The following PCDHA7 variants were observed in gnomAD, a reference collection of about 807,000 sequenced individuals.
PCDHA7 encodes protocadherin alpha-7.
PCDHA7 carries 37 observed loss-of-function variants against 57.2 expected under a neutral mutation model. That is an observed-to-expected ratio of 0.65 (90% CI 0.50 to 0.85). The LOEUF (loss-of-function observed/expected upper bound fraction) is 0.85. Among genes scored for constraint, PCDHA7 ranks in the 40% least tolerant of loss-of-function variants. The pLI is 0.00. For missense variants in PCDHA7, 1,188 were observed against 1,241.8 expected, an observed-to-expected ratio of 0.96 and a Z score of 0.65; for synonymous variants, 553 against 558.8, an observed-to-expected ratio of 0.99 and a Z score of 0.15.
chr5:140,995,388 A>G (rs1467282798), intron 3 of PCDHA7, among the ~76,000 whole-genome samples: 1 of 152,208 alleles, frequency 6.6e-6, no homozygotes. Flanking sequence ...GGCAGGATAA[A>G]GCGGGATGGC....
At chr5:140,899,336 A>G (rs2067275819) in intron 1 of PCDHA7, among the ~76,000 whole-genome samples, 1 of 152,130 alleles carries the variant, frequency 6.6e-6, no homozygotes, top group Non-Finnish European at 1.5e-5. Context: ...TTTGTCATAG[A>G]TAGCTCTTAT....
chr5:140,924,008 C>T lies in PCDHA7; in HGVS notation c.2356-54941C>T, dbSNP rs75028295. On this transcript the variant is annotated intron_variant, in intron 1 of 3. Coordinates refer to ENST00000525929, the MANE Select transcript of PCDHA7 (RefSeq NM_018910.3). ...TAGGTGCAGCTCAGAATTCCTAAAC[C>T]TGGTATAATTGGAGGCATGGCTGCA... 7.8e-3 allele frequency among the ~76,000 whole-genome samples: 1,191 copies of T among 152,262 alleles called. 21 individuals are homozygous for T. The highest frequency in any genetic ancestry group is 0.026 in the African/African-American group (1,098 of 41,552).
At chr5:140,966,839 C>T (rs782091529) in intron 1 of PCDHA7, 14 of 1,567,058 alleles carry the variant, frequency 8.9e-6, no homozygotes, top group Non-Finnish European at 1.1e-5. Flanking sequence ...CTGGCTGCTG[C>T]TACTGCCTCT....
At chr5:141,004,602 G>A (rs1345777080) in intron 3 of PCDHA7, among the ~76,000 whole-genome samples, 18 of 152,298 alleles carry the variant, frequency 1.2e-4, no homozygotes, top group African/African-American at 4.1e-4. Flanking sequence ...CAGTGCTTAG[G>A]CCTCATGCAG....
chr5:140,960,188 G>A (rs1371016387), intron 1 of PCDHA7, among the ~76,000 whole-genome samples: 7 of 152,132 alleles, frequency 4.6e-5, no homozygotes, highest in Non-Finnish European at 7.4e-5. Flanking sequence ...GGTTGCATGT[G>A]TAGTGGTCAG....
Position 140,836,463 on chromosome 5 carries a change from G to A in PCDHA7, c.2080G>A (p.Val694Met), listed in dbSNP as rs2150261592. 1.2e-6 allele frequency: 2 copies of A among 1,613,838 alleles called. No homozygotes were observed. Among genetic ancestry groups the A allele is most frequent in the Middle Eastern group, 1.6e-4 (1 of 6,062 alleles). Residue 694 changes from valine to methionine, a missense_variant, in exon 1 of 4, where the codon GTG (valine) becomes ATG (methionine). By Grantham distance (21) the Val-to-Met change is conservative (BLOSUM62 1). This residue lies in a region of PCDHA7 where 892 missense variants were observed against 788.5 expected (regional missense o/e 1.13). Transcript: ENST00000525929. The stretch of plus-strand genomic sequence containing the variant: ...CATTGCAGGCCCAGAGACCGAGCTG[G>A]TGGATGTCAACGTGTACCTGATCAT... ...LGIAGPETEL[V>M]DVNVYLIIAI...
At position 140,836,417 on chromosome 5, in the gene PCDHA7, G is replaced by T; in HGVS notation, c.2034G>T (p.Ala678=). Residue 678 remains alanine (A), a synonymous_variant, in exon 1 of 4, where the codon GCG becomes GCT. Transcript: ENST00000525929. ...TGGAAAGCGGCCAGGCACCAAAGGC[G>T]TCGTCGCGGGCATCGTTGGGCATTG... is the stretch of plus-strand genomic sequence containing the variant. ...SLVESGQAPK[A]SSRASLGIAG... is the part of the protein sequence containing the mutation. 2 of 1,613,822 alleles carry T rather than the reference G, an allele frequency of 1.2e-6. No homozygotes were observed. The highest frequency in any genetic ancestry group is 1.7e-6 in the Non-Finnish European group (2 of 1,179,856).
chr5:140,993,819 G>A (rs2097583362), intron 3 of PCDHA7, among the ~76,000 whole-genome samples: 1 of 152,142 alleles, frequency 6.6e-6, no homozygotes, highest in Non-Finnish European at 1.5e-5. Context: ...AGGAGCAATA[G>A]GCTATACCAT....
At chr5:140,877,792 C>T (rs782259804) in intron 1 of PCDHA7, 1 of 1,614,004 alleles carries the variant, frequency 6.2e-7, no homozygotes, top group Non-Finnish European at 8.5e-7. Context: ...GGCCTTCAGC[C>T]CAAGCCTTCA....
intron 1 of PCDHA7, among the ~76,000 whole-genome samples, chr5:140,959,609 T>A (rs2095500700): frequency 6.6e-6 from 1 of 152,184 alleles, no homozygotes; most frequent in South Asian, 2.1e-4. Flanking sequence ...ATGCTTTTCT[T>A]GCTTGTGATA....
chr5:140,904,195 C>T (rs1554191353), intron 1 of PCDHA7, among the ~76,000 whole-genome samples: 1 of 151,930 alleles, frequency 6.6e-6, no homozygotes, highest in Admixed American at 6.6e-5. Context: ...CCCACCCTTT[C>T]CCCCTAAGTC....
At chr5:140,848,979 A>G in intron 1 of PCDHA7, 1 of 1,599,958 alleles carries the variant, frequency 6.3e-7, no homozygotes, top group Non-Finnish European at 8.5e-7. Flanking sequence ...CGATGCAGAT[A>G]TCGGGGAGAA....
At chr5:140,982,691 C>G in intron 3 of PCDHA7, 128 bp downstream of exon 3, 1 of 1,408,152 alleles carries the variant, frequency 7.1e-7, no homozygotes, top group Non-Finnish European at 9.3e-7. Flanking sequence ...TTTTTCCATA[C>G]ATACATGATT....
chr5:140,842,755 T>G, intron 1 of PCDHA7: 2 of 1,594,888 alleles, frequency 1.3e-6, no homozygotes, highest in South Asian at 2.2e-5. Flanking sequence ...TCACGGTGTC[T>G]GCGCGAGACG....
chr5:140,854,159 CAAAAAA>C, intron 1 of PCDHA7: 1 of 339,904 alleles, frequency 2.9e-6, no homozygotes, highest in Middle Eastern at 1.4e-3. Flanking sequence ...GATTCTGTCT[CAAAAAA>C]AAAAAAAAAA....
At chr5:140,929,013 G>A in intron 1 of PCDHA7, 1 of 1,614,120 alleles carries the variant, frequency 6.2e-7, no homozygotes, top group South Asian at 1.1e-5. Context: ...GTACCAAGTT[G>A]CACCAGAGCC....
At chr5:140,951,343 G>C (rs2094573680) in intron 1 of PCDHA7, among the ~76,000 whole-genome samples, 1 of 151,988 alleles carries the variant, frequency 6.6e-6, no homozygotes, top group South Asian at 2.1e-4. Flanking sequence ...GTTTGTGTTA[G>C]TCCATTATTG....
chr5:140,849,832 C>G lies in PCDHA7; in HGVS notation c.2355+13094C>G. The G allele has an allele frequency of 6.3e-7, 1 of 1,598,398 alleles. No individual in the cohort carries two copies. The highest frequency in any genetic ancestry group is 1.1e-5 in the South Asian group (1 of 90,532). On this transcript the variant is annotated intron_variant, in intron 1 of 3. Coordinates refer to ENST00000525929, the MANE Select transcript of PCDHA7 (RefSeq NM_018910.3). ...ACGGCCAGGGTGTCTGTGGAGGTGGCCGACGTGAACGACAACGCACCAGCG... is the reference window on the plus strand; with the variant it reads ...ACGGCCAGGGTGTCTGTGGAGGTGGGCGACGTGAACGACAACGCACCAGCG...
chr5:140,976,584 A>G (rs2096724055), intron 1 of PCDHA7, among the ~76,000 whole-genome samples: 1 of 152,070 alleles, frequency 6.6e-6, no homozygotes. Context: ...TAAAACACAG[A>G]CTTTTGTGTT....
Sources: allele counts gnomAD v4.1 joint callset (sites outside exome capture counted in the v4.1 genomes callset), GRCh38; gene constraint gnomAD v4.1.1; regional missense constraint gnomAD v4.1.1; transcripts MANE v1.5; gene names NCBI Gene and HGNC (gene_info 2026-07-23, HGNC 2026-07-21).